EPHA3: variants seen among roughly 807,000 people sequenced by gnomAD.
The protein encoded by EPHA3 is ephrin type-A receptor 3.
In EPHA3, 42 loss-of-function variants were observed where a neutral mutation model predicts 107.1. That is an observed-to-expected ratio of 0.39 (90% CI 0.31 to 0.51). EPHA3 has a LOEUF of 0.51. EPHA3 is among the 20% of genes least tolerant of loss of function. The pLI, the probability that EPHA3 is intolerant of heterozygous loss-of-function variation, is 0.78. For synonymous variants in EPHA3, 461 were observed against 424.8 expected (o/e 1.09, Z -1.05); for missense variants, 1,183 against 1,211.2 (o/e 0.98, Z 0.35).
intron 2 of EPHA3, 50 bp from the exon 3 acceptor site, chr3:89,209,810 G>T (rs567227921): frequency 2.7e-6 from 4 of 1,466,206 alleles, no homozygotes; most frequent in Admixed American, 2.1e-5. Flanking sequence ...TGTTGTATTC[G>T]TTATTATCAT....
Position 89,334,782 on chromosome 3 carries a change from C to A in EPHA3, c.815-6134C>A, listed in dbSNP as rs537344947. Among the ~76,000 whole-genome samples the A allele has an allele frequency of 1.6e-4, 24 of 152,212 alleles. 1 individual carries two copies. In the South Asian group the frequency reaches 4.8e-3, roughly 30 times the overall value. On this transcript the variant is annotated intron_variant, in intron 3 of 16. Coordinates refer to ENST00000336596, the MANE Select transcript of EPHA3 (RefSeq NM_005233.6). ...GAGGAAGTCACTGTCTCAAACACCT[C>A]ATTAAAGTTTGAAGATACCTGATCA...
At chr3:89,394,889 C>T (rs1376754882) in intron 5 of EPHA3, among the ~76,000 whole-genome samples, 1 of 152,142 alleles carries the variant, frequency 6.6e-6, no homozygotes, top group Non-Finnish European at 1.5e-5. Flanking sequence ...TGCCACTGAA[C>T]TCCAGTGAGA....
At chr3:89,308,556 A>ATTCTGCTTGC (rs1559641399) in intron 3 of EPHA3, among the ~76,000 whole-genome samples, 1 of 152,030 alleles carries the variant, frequency 6.6e-6, no homozygotes. Context: ...GTTAGGTAGA[A>ATTCTGCTTGC]ACAACTAAAA....
chr3:89,449,504 C>A, intron 14 of EPHA3, 130 bp downstream of exon 14: 1 of 746,528 alleles, frequency 1.3e-6, no homozygotes, highest in Non-Finnish European at 2.0e-6. Flanking sequence ...AGCAATGAAA[C>A]TGTTTCCAAG....
rs1376495223 is a variant in EPHA3 at position 89,346,079 on chromosome 3, C to T, written c.1306+3989C>T. On this transcript the variant is annotated intron_variant, in intron 5 of 16. Coordinates refer to ENST00000336596, the MANE Select transcript of EPHA3 (RefSeq NM_005233.6). ...TGTGAATAATGCCTCAATAAACATA[C>T]GTGTGCATGTGTCTTTATAGCAGCA... 1.2e-4 allele frequency among the ~76,000 whole-genome samples: 15 copies of T among 124,966 alleles called. No homozygotes were observed. The South Asian group carries it at 1.4e-3, about 11-fold the overall frequency. 82.0% of individuals were successfully genotyped at this position (124,966 alleles called of 152,430 possible).
intron 5 of EPHA3, among the ~76,000 whole-genome samples, chr3:89,361,264 TTTG>T (rs956069488): frequency 6.6e-6 from 1 of 151,032 alleles, no homozygotes; most frequent in African/African-American, 2.4e-5. Context: ...ATCTATACTT[TTTG>T]TTAAGATCCC....
chr3:89,256,592 T>A (rs1218524338), intron 3 of EPHA3, among the ~76,000 whole-genome samples: 1 of 151,066 alleles, frequency 6.6e-6, no homozygotes, highest in Non-Finnish European at 1.5e-5. Context: ...AATAAATAAA[T>A]AAATAAATAA....
chr3:89,145,759 G>A (rs1483297688), intron 2 of EPHA3, among the ~76,000 whole-genome samples: 2 of 151,380 alleles, frequency 1.3e-5, no homozygotes, highest in Non-Finnish European at 3.0e-5. Flanking sequence ...CGTTTCCTGA[G>A]GAATTTTTTT....
intron 3 of EPHA3, among the ~76,000 whole-genome samples, chr3:89,249,107 T>C (rs1705103957): frequency 6.6e-6 from 1 of 152,218 alleles, no homozygotes; most frequent in Admixed American, 6.5e-5. Context: ...ATGCCACTTT[T>C]GGGTGGAAGA....
At chr3:89,364,808 TA>T (rs1219944554) in intron 5 of EPHA3, among the ~76,000 whole-genome samples, 1 of 151,080 alleles carries the variant, frequency 6.6e-6, no homozygotes, top group African/African-American at 2.4e-5. Flanking sequence ...AGATTGTACT[TA>T]AAACTGTTCA....
intron 3 of EPHA3, among the ~76,000 whole-genome samples, chr3:89,231,696 AT>A (rs1487543070): frequency 6.6e-6 from 1 of 152,190 alleles, no homozygotes; most frequent in Non-Finnish European, 1.5e-5. Flanking sequence ...AAGGGAAAAA[AT>A]AATATCCTTT....
At chr3:89,383,145 TAG>T (rs1484161516) in intron 5 of EPHA3, among the ~76,000 whole-genome samples, 1 of 152,236 alleles carries the variant, frequency 6.6e-6, no homozygotes, top group Non-Finnish European at 1.5e-5. Flanking sequence ...CTAATTACTG[TAG>T]AGTGTTCTCT....
intron 3 of EPHA3, among the ~76,000 whole-genome samples, chr3:89,276,769 G>C (rs762993890): frequency 2.0e-5 from 3 of 151,988 alleles, no homozygotes; most frequent in Admixed American, 6.6e-5. Context: ...TAGAAGACAG[G>C]AAATTAAGTG....
At chr3:89,208,878 G>A (rs1381199391) in intron 2 of EPHA3, among the ~76,000 whole-genome samples, 2 of 152,136 alleles carry the variant, frequency 1.3e-5, no homozygotes, top group Non-Finnish European at 2.9e-5. Flanking sequence ...TTCAAGAATG[G>A]CATGACAAAA....
intron 2 of EPHA3, 123 bp downstream of exon 2, chr3:89,127,396 AG>A: frequency 1.5e-6 from 1 of 670,688 alleles, no homozygotes; most frequent in Admixed American, 2.8e-5. Context: ...TACTTATAGG[AG>A]TATTCAATAT....
rs1576296060 is a variant in EPHA3 at position 89,296,642 on chromosome 3, G to GT, written c.815-44273dup. ...CCCTTGGATTTTCAGAATGGCAAAT[G>GT]TGTGTTGGTTTCAGCTTAAAGTCAC... On this transcript the variant is annotated intron_variant, in intron 3 of 16. Transcript: ENST00000336596. Among the ~76,000 whole-genome samples the GT allele has an allele frequency of 2.6e-5, 4 of 152,152 alleles. No homozygotes were observed. The East Asian group carries it at 7.7e-4, about 29-fold the overall frequency.
intron 2 of EPHA3, among the ~76,000 whole-genome samples, chr3:89,131,024 A>G (rs1161009970): frequency 6.6e-6 from 1 of 152,218 alleles, no homozygotes; most frequent in Non-Finnish European, 1.5e-5. Context: ...GCCTTGGACT[A>G]ATTCTCCAAA....
chr3:89,398,916 G>A (rs765438393), intron 6 of EPHA3, among the ~76,000 whole-genome samples: 5 of 152,108 alleles, frequency 3.3e-5, no homozygotes, highest in Non-Finnish European at 5.9e-5. Context: ...GATCTCCTGA[G>A]GTCAGCAGTT....
chr3:89,122,344 T>C (rs983194101), intron 1 of EPHA3, among the ~76,000 whole-genome samples: 22 of 152,194 alleles, frequency 1.4e-4, no homozygotes, highest in Non-Finnish European at 2.5e-4. Context: ...GCTATAAAAG[T>C]CCCTTATAAC....
Sources: gnomAD v4.1 joint callset for allele counts (sites outside exome capture counted in the v4.1 genomes callset) on GRCh38, gnomAD v4.1.1 for gene constraint, MANE v1.5 for transcripts, NCBI Gene and HGNC (gene_info 2026-07-23, HGNC 2026-07-21) for gene names.